VWDE: variants seen among roughly 807,000 people sequenced by gnomAD.
VWDE encodes von Willebrand factor D and EGF domains, also known as von Willebrand factor D and EGF domain-containing protein.
Under a neutral mutation model 178.4 loss-of-function variants are expected in VWDE, and 207 were observed. The ratio of observed to expected loss-of-function variants is 1.16; its 90% CI spans 1.04 to 1.30. VWDE has a LOEUF of 1.30. VWDE is among the 50% of genes most tolerant of loss of function. The pLI, the probability that VWDE is intolerant of heterozygous loss-of-function variation, is 0.00. For synonymous variants in VWDE, 738 were observed against 651.4 expected (o/e 1.13, Z -2.02); for missense variants, 2,287 against 1,901.3 (o/e 1.20, Z -3.77).
intron 16 of VWDE, 26 bp from the exon 17 acceptor site, chr7:12,357,541 T>C (rs762402520): frequency 6.5e-7 from 1 of 1,548,964 alleles, no homozygotes; most frequent in Non-Finnish European, 8.7e-7. Context: ...CACTTAACTT[T>C]ATACCCGTGT....
chr7:12,359,559 T>C lies in VWDE; in HGVS notation c.3274+19A>G. ...ATGTCTTGTATAGGAAATATTTGGA[T>C]TAATAAAGAGTAACTTACTTTCTAA... On this transcript the variant is annotated intron_variant, in intron 16 of 28. Coordinates refer to ENST00000275358, the MANE Select transcript of VWDE (RefSeq NM_001135924.3). The C allele has an allele frequency of 6.8e-7, 1 of 1,459,916 alleles. No homozygotes were observed. Among genetic ancestry groups the C allele is most frequent in the Non-Finnish European group, 9.4e-7 (1 of 1,068,760 alleles). 90.4% of individuals were successfully genotyped at this position (1,459,916 alleles called of 1,614,324 possible). A position where few individuals can be genotyped will look rare whatever the true frequency, so the allele number is the denominator to read the frequency against.
intron 1 of VWDE, among the ~76,000 whole-genome samples, chr7:12,399,793 G>C (rs1221367625): frequency 6.6e-6 from 1 of 151,986 alleles, no homozygotes; most frequent in Non-Finnish European, 1.5e-5. Flanking sequence ...TCCAGCCTAG[G>C]CAACATAGTA....
In VWDE at chr7:12,379,565, A is replaced by G. The variant is rs1179579663; in HGVS notation, c.791T>C (p.Ile264Thr). 6.5e-7 allele frequency: 1 copy of G among 1,534,172 alleles called. No individual in the cohort carries two copies. The highest frequency in any genetic ancestry group is 8.8e-7 in the Non-Finnish European group (1 of 1,139,434). ...GAAAAAGACAGAAGCGCTGCAGAAT[A>G]TCTATGGATATAATTAAAAAATAAT... ...DGINLRLGDR[I>T]FCSASVFFLE... Residue 264 changes from isoleucine to threonine, a missense_variant and splice_region_variant, in exon 6 of 29, where the codon ATA (isoleucine) becomes ACA (threonine). Physicochemically the swap from Ile to Thr is moderately conservative, Grantham distance 89. Coordinates refer to ENST00000275358, the MANE Select transcript of VWDE (RefSeq NM_001135924.3).
At chr7:12,398,120 C>T (rs1784711893) in intron 1 of VWDE, among the ~76,000 whole-genome samples, 1 of 152,056 alleles carries the variant, frequency 6.6e-6, no homozygotes, top group South Asian at 2.1e-4. Flanking sequence ...TACGTTCATC[C>T]CAGCAGTATT....
chr7:12,356,195 C>T lies in VWDE; in HGVS notation c.3661G>A (p.Gly1221Arg). 2 of 1,551,518 alleles carry T rather than the reference C, an allele frequency of 1.3e-6. No homozygotes were observed. The highest frequency in any genetic ancestry group is 2.0e-5 in the Admixed American group (1 of 50,988). ...HGSLCEVDISGCQSNPCGLGS... is the reference protein window; with the variant it reads ...HGSLCEVDISRCQSNPCGLGS... ...AGACCACAAGGGTTGGATTGGCACC[C>T]ACTAATGTCCACTTCACAAAGGCTG... Residue 1221 changes from glycine to arginine, a missense_variant, in exon 18 of 29, where the codon GGG (glycine) becomes AGG (arginine). By Grantham distance (125) the Gly-to-Arg change is moderately radical (BLOSUM62 -2). Transcript: ENST00000275358.
intron 9 of VWDE, 107 bp from the exon 10 acceptor site, chr7:12,373,354 A>G: frequency 8.7e-7 from 1 of 1,144,258 alleles, no homozygotes; most frequent in Non-Finnish European, 1.2e-6. Flanking sequence ...TGTTGTATGC[A>G]CTGAAGGAAA....
At chr7:12,373,275 A>T in intron 9 of VWDE, 28 bp from the exon 10 acceptor site, 1 of 1,543,362 alleles carries the variant, frequency 6.5e-7, no homozygotes. Flanking sequence ...CAATTGCATT[A>T]AAAAATCGTG....
At chr7:12,382,882 G>C (rs1320535455) in intron 4 of VWDE, among the ~76,000 whole-genome samples, 3 of 151,316 alleles carry the variant, frequency 2.0e-5, no homozygotes, top group Non-Finnish European at 4.4e-5. Flanking sequence ...CTTAATATTT[G>C]AAAAAACTTT....
At chr7:12,371,422 C>T (rs977333857) in intron 10 of VWDE, among the ~76,000 whole-genome samples, 1 of 152,046 alleles carries the variant, frequency 6.6e-6, no homozygotes, top group Non-Finnish European at 1.5e-5. Context: ...TGCAATCTAA[C>T]TGTGAACCAT....
chr7:12,398,497 C>T (rs1038267483), intron 1 of VWDE, among the ~76,000 whole-genome samples: 4 of 152,114 alleles, frequency 2.6e-5, no homozygotes, highest in African/African-American at 9.7e-5. Context: ...TGTATTCCTA[C>T]ATGTAGCTAT....
intron 24 of VWDE, among the ~76,000 whole-genome samples, chr7:12,339,903 G>A (rs1781235908): frequency 6.6e-6 from 1 of 152,072 alleles, no homozygotes; most frequent in South Asian, 2.1e-4. Flanking sequence ...CTGTGCACAG[G>A]TGATTCTTCA....
intron 24 of VWDE, among the ~76,000 whole-genome samples, chr7:12,338,863 G>T (rs1353895375): frequency 6.6e-6 from 1 of 152,050 alleles, no homozygotes; most frequent in East Asian, 1.9e-4. Context: ...GATGTTTCTA[G>T]CTCAATTTCT....
intron 19 of VWDE, among the ~76,000 whole-genome samples, chr7:12,348,799 C>G (rs1018430381): frequency 3.3e-5 from 5 of 151,100 alleles, no homozygotes; most frequent in African/African-American, 1.2e-4. Context: ...TGGCATTATT[C>G]ACAATAGCAA....
intron 9 of VWDE, among the ~76,000 whole-genome samples, chr7:12,374,273 T>C (rs1783386468): frequency 1.3e-5 from 2 of 152,242 alleles, no homozygotes; most frequent in Middle Eastern, 3.4e-3. Flanking sequence ...TGAGTATTCT[T>C]GTCAAGACTT....
intron 19 of VWDE, among the ~76,000 whole-genome samples, chr7:12,351,197 A>G (rs991551823): frequency 1.3e-5 from 2 of 152,174 alleles, no homozygotes; most frequent in African/African-American, 4.8e-5. Flanking sequence ...CTATTAAGAA[A>G]GCACTATGAC....
chr7:12,346,162 A>G (rs745879064), intron 19 of VWDE, among the ~76,000 whole-genome samples: 7 of 152,158 alleles, frequency 4.6e-5, no homozygotes, highest in Non-Finnish European at 8.8e-5. Flanking sequence ...GGTACACAAG[A>G]TAACCCAGAA....
chr7:12,397,583 A>C (rs1268700616), intron 1 of VWDE, among the ~76,000 whole-genome samples: 1 of 152,188 alleles, frequency 6.6e-6, no homozygotes, highest in Admixed American at 6.6e-5. Flanking sequence ...AACCTCATTA[A>C]AGAGTTTCTC....
chr7:12,363,481 G>A (rs1045641673), intron 13 of VWDE, among the ~76,000 whole-genome samples: 1 of 151,958 alleles, frequency 6.6e-6, no homozygotes, highest in Non-Finnish European at 1.5e-5. Context: ...CTTTGGGGGA[G>A]GAAGTGAAAG....
rs12540748 is a variant in VWDE at position 12,338,386 on chromosome 7, A to G, written c.4367-1114T>C. Among the ~76,000 whole-genome samples the G allele has an allele frequency of 6.0e-3, 917 of 151,912 alleles. 6 individuals carry two copies. The highest frequency in any genetic ancestry group is 0.034 in the Middle Eastern group (10 of 292). ...CCTATCCTTCATACAATTTAAGATT[A>G]TTATTATTTATTAGAAAATATATAT... On this transcript the variant is annotated intron_variant, in intron 24 of 28. Transcript: ENST00000275358.
Sources: gnomAD v4.1 joint callset for allele counts (sites outside exome capture counted in the v4.1 genomes callset) on GRCh38, gnomAD v4.1.1 for gene constraint, MANE v1.5 for transcripts, NCBI Gene and HGNC (gene_info 2026-07-23, HGNC 2026-07-21) for gene names.